NOD2: variants seen among roughly 807,000 people sequenced by gnomAD.
NOD2 encodes nucleotide binding oligomerization domain containing 2, also known as nucleotide-binding oligomerization domain-containing protein 2.
NOD2 carries 86 observed loss-of-function variants against 90.9 expected under a neutral mutation model. That is an observed-to-expected ratio of 0.95 (90% CI 0.79 to 1.13). The LOEUF is 1.13. Among genes scored for constraint, NOD2 ranks in the 50% most tolerant of loss-of-function variants. The probability of loss-of-function intolerance (pLI) is 0.00; values close to 1 mark genes in which losing one functional copy is unlikely to be tolerated. For missense variants in NOD2, 1,238 were observed against 1,283.8 expected (o/e 0.96, Z 0.55); for synonymous variants, 581 against 554.6 (o/e 1.05, Z -0.67).
intron 6 of NOD2, among the ~76,000 whole-genome samples, chr16:50,717,775 A>G (rs748397336): frequency 6.6e-6 from 1 of 152,218 alleles, no homozygotes; most frequent in Non-Finnish European, 1.5e-5. Context: ...CAGACTCACA[A>G]GCCTGGAATA....
intron 1 of NOD2, among the ~76,000 whole-genome samples, chr16:50,698,543 C>T (rs140545201): frequency 5.9e-5 from 9 of 152,316 alleles, no homozygotes; most frequent in Middle Eastern, 3.4e-3. Context: ...ACACACAGCA[C>T]GGGCTTGGGG....
chr16:50,728,660 C>G (rs2150841578), intron 10 of NOD2, among the ~76,000 whole-genome samples: 1 of 152,276 alleles, frequency 6.6e-6, no homozygotes, highest in Non-Finnish European at 1.5e-5. Context: ...TTACAATTGG[C>G]ATTGCCTTAG....
At chr16:50,721,066 A>G (rs1165453978) in intron 7 of NOD2, among the ~76,000 whole-genome samples, 1 of 150,996 alleles carries the variant, frequency 6.6e-6, no homozygotes, top group Non-Finnish European at 1.5e-5. Context: ...CGGCCTCCCA[A>G]AGTGCTGGGA....
At chr16:50,707,536 C>T (rs999076855) in intron 2 of NOD2, among the ~76,000 whole-genome samples, 1 of 152,320 alleles carries the variant, frequency 6.6e-6, no homozygotes, top group Admixed American at 6.5e-5. Context: ...GATGAAATCA[C>T]TTCTCTTCCA....
rs1290341142 is a variant in NOD2, at chr16:50,730,689, GTAGT to G, written c.2969+791_2969+794del. On this transcript the variant is annotated intron_variant, in intron 11 of 11. Transcript: ENST00000647318. ...CTCTGGATGCCCATTCATGATTCCA[GTAGT>G]TAACCAGAGTACAAGAAGGGCTGAG... 4.6e-5 allele frequency among the ~76,000 whole-genome samples: 7 copies of G among 152,308 alleles called. No homozygotes were observed. In the East Asian group the frequency reaches 1.2e-3, roughly 25 times the overall value.
intron 7 of NOD2, among the ~76,000 whole-genome samples, chr16:50,720,354 A>G (rs1964999913): frequency 6.6e-6 from 1 of 152,174 alleles, no homozygotes; most frequent in Non-Finnish European, 1.5e-5. Context: ...CCCCAGACTG[A>G]TGAAATGCAA....
chr16:50,701,507 T>C (rs563229927), intron 2 of NOD2, among the ~76,000 whole-genome samples: 1 of 152,342 alleles, frequency 6.6e-6, no homozygotes, highest in Non-Finnish European at 1.5e-5. Context: ...AGTGGTGCAG[T>C]CCTCTCTGAT....
Position 50,710,760 on chromosome 16 carries a change from C to T in NOD2, c.768C>T (p.Ser256=), listed in dbSNP as rs1304097346. 4 of 1,614,022 alleles carry T rather than the reference C, an allele frequency of 2.5e-6. No individual in the cohort carries two copies. The highest frequency in any genetic ancestry group is 2.5e-6 in the Non-Finnish European group (3 of 1,179,982). The change falls in exon 4 of 12, where the codon AGC becomes AGT. Residue 256 remains serine, a synonymous_variant. Transcript: ENST00000647318. ...PATLGLEELF[S]TPGHLNDDAD... ...CCCTGGGCCTGGAGGAGCTCTTCAG[C>T]ACCCCTGGCCACCTCAATGACGATG... is the stretch of plus-strand genomic sequence containing the variant.
intron 1 of NOD2, among the ~76,000 whole-genome samples, chr16:50,698,630 C>T (rs1236193731): frequency 6.6e-6 from 1 of 152,208 alleles, no homozygotes; most frequent in African/African-American, 2.4e-5. Flanking sequence ...GAAATCCTGA[C>T]TCTGCCTGTC....
rs199475914 is a variant in NOD2 at position 50,711,915 on chromosome 16, G to A, written c.1923G>A (p.Pro641=). 3.2e-5 allele frequency: 51 copies of A among 1,608,856 alleles called. 1 individual carries two copies. In the Middle Eastern group the frequency reaches 5.0e-4, roughly 16 times the overall value. ...CAGCTTTGCTGCAGAAGGCCGAGCC[G>A]CACAACCTTCAGATCACAGCAGCCT... ...SVAALLQKAE[P]HNLQITAAFL... Residue 641 remains proline, a synonymous_variant, in exon 4 of 12, where the codon CCG becomes CCA. Transcript: ENST00000647318.
chr16:50,711,064 A>C lies in NOD2; in HGVS notation c.1072A>C (p.Lys358Gln). 1 of 1,614,086 alleles carries C rather than the reference A, an allele frequency of 6.2e-7. No individual in the cohort carries two copies. The highest frequency in any genetic ancestry group is 8.5e-7 in the Non-Finnish European group (1 of 1,180,000). ...AACCTTTGATGGCTTTGACGAGTTC[A>C]AGTTCAGGTTCACGGATCGTGAACG... is the stretch of plus-strand genomic sequence containing the variant. ...LLTFDGFDEFKFRFTDRERHC... is the reference protein window; with the variant it reads ...LLTFDGFDEFQFRFTDRERHC... The change falls in exon 4 of 12, where the codon AAG (lysine) becomes CAG (glutamine). Residue 358 changes from lysine to glutamine, a missense_variant. Transcript: ENST00000647318.
chr16:50,707,332 G>A (rs1309930686), intron 2 of NOD2, among the ~76,000 whole-genome samples: 2 of 152,290 alleles, frequency 1.3e-5, no homozygotes, highest in Admixed American at 6.5e-5. Flanking sequence ...GAAGGCTGTC[G>A]GTTTGGCAGG....
chr16:50,723,148 A>AG (rs932597979), intron 8 of NOD2, among the ~76,000 whole-genome samples, 153 bp from the exon 9 acceptor site: 4 of 151,358 alleles, frequency 2.6e-5, no homozygotes, highest in African/African-American at 4.9e-5. Flanking sequence ...AGAAAAAAAA[A>AG]AAAAAAGAAA....
intron 2 of NOD2, among the ~76,000 whole-genome samples, chr16:50,703,375 C>G (rs1387939744): frequency 1.3e-5 from 2 of 152,178 alleles, no homozygotes; most frequent in Non-Finnish European, 2.9e-5. Flanking sequence ...TGCAGTGGCT[C>G]AAGCCTTTAA....
intron 6 of NOD2, 97 bp downstream of exon 6, chr16:50,717,071 C>T: frequency 1.0e-6 from 1 of 991,454 alleles, no homozygotes; most frequent in Non-Finnish European, 1.6e-6. Flanking sequence ...CACACTGGCT[C>T]CTGACCTCCT....
At chr16:50,709,192 G>T (rs1964345351) in intron 3 of NOD2, among the ~76,000 whole-genome samples, 1 of 152,154 alleles carries the variant, frequency 6.6e-6, no homozygotes, top group African/African-American at 2.4e-5. Context: ...AGGGATCCTG[G>T]TATATTCAGA....
chr16:50,727,742 C>T, intron 10 of NOD2: 2 of 348,586 alleles, frequency 5.7e-6, no homozygotes, highest in East Asian at 1.5e-4. Flanking sequence ...GAGAATTGGA[C>T]CCTTTCTGTT....
chr16:50,731,868 G>A lies in NOD2; in HGVS notation c.*49G>A. On this transcript the variant is annotated 3_prime_UTR_variant, in exon 12 of 12. Transcript: ENST00000647318. ...CAGTTTGTTTGTGAGCAGGCTGTGAGTTTGGGCCCCAGAGGCTGGGTGACA... is the reference window on the plus strand; with the variant it reads ...CAGTTTGTTTGTGAGCAGGCTGTGAATTTGGGCCCCAGAGGCTGGGTGACA... The A allele has an allele frequency of 6.9e-7, 1 of 1,444,232 alleles. No homozygotes were observed. Among genetic ancestry groups the A allele is most frequent in the African/African-American group, 1.4e-5 (1 of 71,538 alleles). The allele number at this position is 1,444,232 out of a possible 1,614,324, so 89.5% of individuals were successfully genotyped here.
intron 9 of NOD2, among the ~76,000 whole-genome samples, chr16:50,725,081 ACCTGTCGACTTCC>A (rs1267779175): frequency 6.6e-6 from 1 of 152,100 alleles, no homozygotes; most frequent in Non-Finnish European, 1.5e-5. Context: ...TGGAAGCCCC[ACCTGTCGACTTCC>A]CCTTATGTAT....
Sources: gnomAD v4.1 joint callset for allele counts (sites outside exome capture counted in the v4.1 genomes callset) on GRCh38, gnomAD v4.1.1 for gene constraint, MANE v1.5 for transcripts, NCBI Gene and HGNC (gene_info 2026-07-23, HGNC 2026-07-21) for gene names.